The following FAM120A variants were observed in gnomAD, a reference collection of about 807,000 sequenced individuals.
FAM120A encodes the protein family with sequence similarity 120 member A, also known as constitutive coactivator of PPAR-gamma-like protein 1.
In FAM120A, 15 loss-of-function variants were observed where a neutral mutation model predicts 109.7. That is an observed-to-expected ratio of 0.14 (90% CI 0.09 to 0.21). FAM120A has a LOEUF of 0.21. FAM120A is among the 10% of genes least tolerant of loss of function. The pLI, the probability that FAM120A is intolerant of heterozygous loss-of-function variation, is 1.00. For synonymous variants in FAM120A, 493 were observed against 572.8 expected, an observed-to-expected ratio of 0.86 and a Z score of 1.99; for missense variants, 899 against 1,439.3, an observed-to-expected ratio of 0.62 and a Z score of 6.07.
At chr9:93,464,023 A>T (rs1034276561) in intron 1 of FAM120A, among the ~76,000 whole-genome samples, 1 of 152,214 alleles carries the variant, frequency 6.6e-6, no homozygotes, top group African/African-American at 2.4e-5. Flanking sequence ...CTTACAGATG[A>T]GGAAATGGAA....
intron 5 of FAM120A, among the ~76,000 whole-genome samples, chr9:93,508,790 G>A (rs2131381999): frequency 6.6e-6 from 1 of 152,254 alleles, no homozygotes; most frequent in Admixed American, 6.5e-5. Context: ...TACTTCATAT[G>A]TGTCACCACA....
chr9:93,519,345 G>A (rs1860745488), intron 7 of FAM120A, among the ~76,000 whole-genome samples: 1 of 152,080 alleles, frequency 6.6e-6, no homozygotes, highest in Non-Finnish European at 1.5e-5. Flanking sequence ...AGGTTCAAGC[G>A]ATTCTCCTGC....
intron 12 of FAM120A, among the ~76,000 whole-genome samples, chr9:93,551,304 C>T (rs1862087584): frequency 6.6e-6 from 1 of 152,050 alleles, no homozygotes; most frequent in African/African-American, 2.4e-5. Flanking sequence ...GATTTTTCTC[C>T]AAGTTGTCAC....
intron 10 of FAM120A, among the ~76,000 whole-genome samples, chr9:93,539,248 C>T (rs899722515): frequency 2.6e-5 from 4 of 152,152 alleles, no homozygotes; most frequent in East Asian, 1.9e-4. Flanking sequence ...CCGCCCACCT[C>T]GACCTCCCAA....
chr9:93,542,179 G>A (rs889237157), intron 10 of FAM120A, among the ~76,000 whole-genome samples: 16 of 152,296 alleles, frequency 1.1e-4, no homozygotes, highest in Admixed American at 5.2e-4. Context: ...GGAGTGGGTC[G>A]TGCACTGGAG....
intron 2 of FAM120A, among the ~76,000 whole-genome samples, chr9:93,471,735 T>C (rs896912760): frequency 6.6e-6 from 1 of 152,224 alleles, no homozygotes; most frequent in African/African-American, 2.4e-5. Context: ...ACATAAATTA[T>C]GTTTATAGTA....
At chr9:93,555,803 C>T (rs1862265770) in intron 12 of FAM120A, among the ~76,000 whole-genome samples, 1 of 152,170 alleles carries the variant, frequency 6.6e-6, no homozygotes, top group African/African-American at 2.4e-5. Context: ...TCCATTTCTC[C>T]AAAAGACATT....
intron 7 of FAM120A, among the ~76,000 whole-genome samples, chr9:93,518,486 T>C (rs541340565): frequency 1.3e-5 from 2 of 152,318 alleles, no homozygotes; most frequent in East Asian, 3.9e-4. Context: ...TACGTTGCCT[T>C]TTCAGGATGG....
intron 3 of FAM120A, among the ~76,000 whole-genome samples, chr9:93,482,730 G>A (rs1050500814): frequency 3.9e-5 from 6 of 152,214 alleles, no homozygotes; most frequent in Admixed American, 3.9e-4. Flanking sequence ...GGAACACACA[G>A]CAGACCCCAC....
chr9:93,556,870 G>A (rs1862300897), intron 13 of FAM120A, among the ~76,000 whole-genome samples: 2 of 152,148 alleles, frequency 1.3e-5, no homozygotes, highest in South Asian at 2.1e-4. Flanking sequence ...GCAATACAAG[G>A]TGCTGGGTTC....
chr9:93,539,489 C>T (rs1223739280), intron 10 of FAM120A, among the ~76,000 whole-genome samples: 3 of 152,180 alleles, frequency 2.0e-5, no homozygotes, highest in African/African-American at 7.2e-5. Flanking sequence ...GAGCTGACCT[C>T]CAGGAATCTC....
chr9:93,565,859 G>A lies in FAM120A; in HGVS notation c.*1319G>A, dbSNP rs972869977. The A allele has an allele frequency of 6.6e-6, 1 of 152,482 alleles. No homozygotes were observed. Among genetic ancestry groups the A allele is most frequent in the Non-Finnish European group, 1.5e-5 (1 of 68,016 alleles). The allele number at this position is 152,482 out of a possible 1,614,324, so 9.4% of individuals were successfully genotyped here. A position where few individuals can be genotyped will look rare whatever the true frequency, so the allele number is the denominator to read the frequency against. On this transcript the variant is annotated 3_prime_UTR_variant, in exon 18 of 18. Coordinates refer to ENST00000277165, the MANE Select transcript of FAM120A (RefSeq NM_014612.5). ...TTTGAAATCAGAATCACTTCTTATC[G>A]TTTTCATATACTTCTGATGCTCTTC...
At chr9:93,472,491 TG>T (rs1455629549) in intron 2 of FAM120A, among the ~76,000 whole-genome samples, 1 of 152,198 alleles carries the variant, frequency 6.6e-6, no homozygotes, top group Non-Finnish European at 1.5e-5. Flanking sequence ...TCCATGAATC[TG>T]ATGGGATTTG....
intron 8 of FAM120A, among the ~76,000 whole-genome samples, chr9:93,527,480 G>T (rs1861134702): frequency 6.6e-6 from 1 of 152,036 alleles, no homozygotes; most frequent in Non-Finnish European, 1.5e-5. Flanking sequence ...CTTGGACAAG[G>T]TGCTTAGGAC....
intron 3 of FAM120A, among the ~76,000 whole-genome samples, chr9:93,491,810 CT>C (rs34411007): frequency 0.36 from 54,101 of 148,900 alleles, 11,369 homozygotes; most frequent in East Asian, 0.55. Flanking sequence ...ATTTATTTGA[CT>C]TTTTTTTTTT....
In FAM120A at chr9:93,465,204, TC is replaced by T. The variant is rs1313450938; in HGVS notation, c.475-5934del. ...ATGCAACCCAGAATCTTTTTTCCATTCCCACCCAAACCTTGCATTGTATTGT... is the reference window on the plus strand; with the variant it reads ...ATGCAACCCAGAATCTTTTTTCCATTCCACCCAAACCTTGCATTGTATTGT... On this transcript the variant is annotated intron_variant, in intron 1 of 17. Transcript: ENST00000277165. Among the ~76,000 whole-genome samples, 8 of 152,362 alleles carry T rather than the reference TC, an allele frequency of 5.3e-5. No homozygotes were observed. In the East Asian group the frequency reaches 1.5e-3, roughly 29 times the overall value.
At chr9:93,541,463 G>A (rs1013594075) in intron 10 of FAM120A, among the ~76,000 whole-genome samples, 5 of 152,122 alleles carry the variant, frequency 3.3e-5, no homozygotes, top group Non-Finnish European at 5.9e-5. Context: ...TGCGTCCAAC[G>A]ACAGGATATG....
At chr9:93,470,959 C>T (rs1346278175) in intron 1 of FAM120A, among the ~76,000 whole-genome samples, 182 bp from the exon 2 acceptor site, 1 of 152,184 alleles carries the variant, frequency 6.6e-6, no homozygotes, top group Admixed American at 6.5e-5. Flanking sequence ...CGATTTCCCA[C>T]AGAAATTTCT....
At chr9:93,508,881 A>C (rs1453880634) in intron 5 of FAM120A, among the ~76,000 whole-genome samples, 2 of 152,230 alleles carry the variant, frequency 1.3e-5, no homozygotes, top group East Asian at 3.8e-4. Context: ...CTCCAATAAC[A>C]TACCCCCCAG....
Sources: allele counts gnomAD v4.1 joint callset (sites outside exome capture counted in the v4.1 genomes callset), GRCh38; gene constraint gnomAD v4.1.1; transcripts MANE v1.5; gene names NCBI Gene and HGNC (gene_info 2026-07-23, HGNC 2026-07-21).